PLSCR1: variants seen among roughly 807,000 people sequenced by gnomAD.
The protein encoded by PLSCR1 is phospholipid scramblase 1.
In PLSCR1, 17 loss-of-function variants were observed where a neutral mutation model predicts 37.8. That is an observed-to-expected ratio of 0.45 (90% confidence interval 0.31 to 0.68). PLSCR1 has a LOEUF of 0.68. Ranked by LOEUF, PLSCR1 falls within the 30% of genes least tolerant of loss-of-function variation. The pLI, the probability that PLSCR1 is intolerant of heterozygous loss-of-function variation, is 0.06. For synonymous variants in PLSCR1, 116 were observed against 125.9 expected (o/e 0.92, Z 0.53); for missense variants, 347 against 380.9 (o/e 0.91, Z 0.74).
At chr3:146,538,991 T>C (rs986194765) in intron 1 of PLSCR1, among the ~76,000 whole-genome samples, 1 of 152,204 alleles carries the variant, frequency 6.6e-6, no homozygotes, top group Non-Finnish European at 1.5e-5. Flanking sequence ...GTGGAAGACA[T>C]GGACCAGTGA....
At chr3:146,537,611 T>C (rs184475251) in intron 1 of PLSCR1, among the ~76,000 whole-genome samples, 4 of 152,146 alleles carry the variant, frequency 2.6e-5, no homozygotes, top group Non-Finnish European at 2.9e-5. Flanking sequence ...TGGTGGCTTA[T>C]GCCTATAATG....
chr3:146,521,437 G>A, intron 7 of PLSCR1, 107 bp downstream of exon 7: 1 of 917,912 alleles, frequency 1.1e-6, no homozygotes, highest in South Asian at 1.6e-5. Flanking sequence ...TCTTGCTATT[G>A]AGACATTGGC....
intron 1 of PLSCR1, among the ~76,000 whole-genome samples, 184 bp downstream of exon 1, chr3:146,544,283 T>C (rs1308201398): frequency 6.6e-6 from 1 of 152,122 alleles, no homozygotes; most frequent in Non-Finnish European, 1.5e-5. Flanking sequence ...CCTCTTGCAT[T>C]TCTGGCCCCA....
chr3:146,531,868 A>AT (rs535299296), intron 3 of PLSCR1, among the ~76,000 whole-genome samples: 9 of 150,480 alleles, frequency 6.0e-5, no homozygotes, highest in Admixed American at 1.3e-4. Context: ...ACCTATACGA[A>AT]TTTTTTTTTT....
intron 7 of PLSCR1, among the ~76,000 whole-genome samples, chr3:146,520,380 G>T (rs1472794428): frequency 2.6e-5 from 4 of 152,044 alleles, no homozygotes; most frequent in African/African-American, 9.7e-5. Context: ...CCTTGAATGA[G>T]AAATTACTTT....
intron 2 of PLSCR1, among the ~76,000 whole-genome samples, chr3:146,535,243 C>CATAG (rs1030295591): frequency 7.4e-5 from 11 of 148,886 alleles, no homozygotes; most frequent in Non-Finnish European, 1.5e-5. Context: ...AATACTATAA[C>CATAG]ATAGAACACA....
At chr3:146,538,908 G>A (rs1375804821) in intron 1 of PLSCR1, among the ~76,000 whole-genome samples, 1 of 152,086 alleles carries the variant, frequency 6.6e-6, no homozygotes, top group African/African-American at 2.4e-5. Context: ...CAAAGATAGG[G>A]AATTCATAAA....
intron 8 of PLSCR1, among the ~76,000 whole-genome samples, 157 bp from the exon 9 acceptor site, chr3:146,516,258 T>C (rs140183666): frequency 2.0e-5 from 3 of 152,228 alleles, no homozygotes; most frequent in African/African-American, 4.8e-5. Context: ...TATAATTATA[T>C]AAGTTCTGCC....
intron 5 of PLSCR1, 65 bp downstream of exon 5, chr3:146,525,540 A>G (rs1013184552): frequency 1.1e-5 from 9 of 805,976 alleles, no homozygotes; most frequent in Admixed American, 4.0e-5. Flanking sequence ...GTGGAGGTCA[A>G]TGTGCCTTTA....
intron 7 of PLSCR1, among the ~76,000 whole-genome samples, chr3:146,518,538 G>A (rs1358861052): frequency 6.6e-6 from 1 of 152,086 alleles, no homozygotes; most frequent in Non-Finnish European, 1.5e-5. Flanking sequence ...AGCTGTCATT[G>A]AAGCATTTGA....
At chr3:146,521,098 C>T (rs1374593580) in intron 7 of PLSCR1, among the ~76,000 whole-genome samples, 1 of 151,970 alleles carries the variant, frequency 6.6e-6, no homozygotes. Flanking sequence ...TCAAAACTAT[C>T]TTTGCATAAT....
intron 1 of PLSCR1, among the ~76,000 whole-genome samples, chr3:146,540,545 G>T (rs1178577351): frequency 1.3e-5 from 2 of 152,014 alleles, no homozygotes; most frequent in African/African-American, 2.4e-5. Context: ...GAACCCAAAG[G>T]GGAAGCATAC....
At chr3:146,526,879 C>T (rs566499942) in intron 4 of PLSCR1, among the ~76,000 whole-genome samples, 2 of 152,106 alleles carry the variant, frequency 1.3e-5, no homozygotes, top group South Asian at 2.1e-4. Flanking sequence ...CAGTGGTTCA[C>T]GACTGTAATC....
At chr3:146,528,961 G>C (rs755651891) in intron 3 of PLSCR1, 130 bp from the exon 4 acceptor site, 7 of 653,366 alleles carry the variant, frequency 1.1e-5, no homozygotes, top group East Asian at 2.7e-5. Flanking sequence ...TGTTTAATAC[G>C]CTTTTCTCTT....
At chr3:146,516,900 A>G in intron 8 of PLSCR1, 106 bp downstream of exon 8, 1 of 796,844 alleles carries the variant, frequency 1.3e-6, no homozygotes. Context: ...CTGATTTAAA[A>G]TCTATAAATT....
intron 3 of PLSCR1, among the ~76,000 whole-genome samples, chr3:146,531,131 C>T (rs1456172142): frequency 1.3e-5 from 2 of 152,174 alleles, no homozygotes; most frequent in Non-Finnish European, 2.9e-5. Flanking sequence ...GAACAGCTGC[C>T]TTGAGGGGTC....
intron 5 of PLSCR1, among the ~76,000 whole-genome samples, chr3:146,523,037 C>T (rs2738913): frequency 5.2e-4 from 79 of 152,338 alleles, no homozygotes; most frequent in Middle Eastern, 3.4e-3. Context: ...CTCCGGGAAA[C>T]GCCCGATAAT....
At chr3:146,538,683 A>G (rs1291911664) in intron 1 of PLSCR1, among the ~76,000 whole-genome samples, 4 of 152,206 alleles carry the variant, frequency 2.6e-5, no homozygotes, top group Non-Finnish European at 5.9e-5. Context: ...AATAAAATGT[A>G]AGAGAAGAAA....
intron 3 of PLSCR1, 138 bp from the exon 4 acceptor site, chr3:146,528,969 C>G: frequency 1.6e-6 from 1 of 645,084 alleles, no homozygotes; most frequent in African/African-American, 1.8e-5. Flanking sequence ...ACGCTTTTCT[C>G]TTTCTGAGAT....
Sources: allele counts gnomAD v4.1 joint callset (sites outside exome capture counted in the v4.1 genomes callset), GRCh38; gene constraint gnomAD v4.1.1; transcripts MANE v1.5; gene names NCBI Gene and HGNC (gene_info 2026-07-23, HGNC 2026-07-21).